PPP2R1B: variants seen among roughly 807,000 people sequenced by gnomAD.
PPP2R1B encodes the protein serine/threonine-protein phosphatase 2A 65 kDa regulatory subunit A beta isoform.
A neutral mutation model predicts 72.7 loss-of-function variants in PPP2R1B; 58 were observed. The ratio of observed to expected loss-of-function variants is 0.80; its 90% CI spans 0.65 to 0.99. The LOEUF (loss-of-function observed/expected upper bound fraction) is 0.99, where lower values mean the gene tolerates loss of function less well. Among genes scored for constraint, PPP2R1B ranks in the 50% least tolerant of loss-of-function variants. The pLI is 0.00. For synonymous variants in PPP2R1B, 256 were observed against 264.6 expected (o/e 0.97, Z 0.32); for missense variants, 695 against 733.6 (o/e 0.95, Z 0.61).
intron 11 of PPP2R1B, among the ~76,000 whole-genome samples, chr11:111,746,034 T>G (rs1472654701): frequency 6.6e-6 from 1 of 152,056 alleles, no homozygotes; most frequent in Non-Finnish European, 1.5e-5. Flanking sequence ...GCTCCCAAAC[T>G]GAAAGAGAAA....
In PPP2R1B at chr11:111,753,584, T is replaced by A. The variant is rs782398810; in HGVS notation, c.1030-7A>T. On this transcript the variant is annotated splice_polypyrimidine_tract_variant and splice_region_variant and intron_variant, in intron 8 of 14. Coordinates refer to ENST00000527614, the MANE Select transcript of PPP2R1B (RefSeq NM_002716.5). ...TGGTATCGGATACTAATTCCTAAAA[T>A]AAAATCGAAATTAAAAGCCTTTATT... The A allele has an allele frequency of 6.3e-7, 1 of 1,595,608 alleles. No homozygotes were observed. The highest frequency in any genetic ancestry group is 8.5e-7 in the Non-Finnish European group (1 of 1,173,700).
At chr11:111,758,526 G>T (rs1945208409) in intron 5 of PPP2R1B, among the ~76,000 whole-genome samples, 1 of 152,056 alleles carries the variant, frequency 6.6e-6, no homozygotes, top group African/African-American at 2.4e-5. Flanking sequence ...GGAGGCAGAG[G>T]TTGCAGAAAG....
the PPP2R1B span, chr11:111,701,429 C>T: frequency 1.9e-6 from 3 of 1,604,516 alleles, no homozygotes; most frequent in Admixed American, 3.4e-5. The surrounding 1 kb of genome is among the most constrained non-coding windows in gnomAD (Gnocchi z 4.2). Flanking sequence ...GTAGAAAAGT[C>T]TCTGCATTGT....
At chr11:111,704,696 A>G in the PPP2R1B span, among the ~76,000 whole-genome samples, 1 of 152,322 alleles carries the variant, frequency 6.6e-6, no homozygotes, top group South Asian at 2.1e-4. Context: ...GAATGTCTAC[A>G]TGAGACAATG....
At chr11:111,725,987 G>GTTGT (rs1359115767), downstream of PPP2R1B, 1 of 150,210 alleles carries the variant, frequency 6.7e-6, no homozygotes, top group African/African-American at 2.4e-5. Context: ...TCTTCTGGGA[G>GTTGT]TTGTTTATTC....
the PPP2R1B span, among the ~76,000 whole-genome samples, chr11:111,697,138 C>A: frequency 6.6e-6 from 1 of 152,232 alleles, no homozygotes; most frequent in Non-Finnish European, 1.5e-5. Flanking sequence ...TTCTATTCCA[C>A]TGCTGCAACT....
chr11:111,757,957 C>G (rs1284749156), intron 5 of PPP2R1B, among the ~76,000 whole-genome samples: 1 of 152,072 alleles, frequency 6.6e-6, no homozygotes, highest in Admixed American at 6.6e-5. Context: ...GTTGCTCAAG[C>G]AAAAAATCTA....
the PPP2R1B span, among the ~76,000 whole-genome samples, chr11:111,689,899 AT>A: frequency 0.011 from 1,663 of 148,350 alleles, 9 homozygotes; most frequent in African/African-American, 0.024. Flanking sequence ...ATAGTCTGTG[AT>A]TTTTTTTTTC....
At chr11:111,762,395 C>T (rs569109562) in intron 3 of PPP2R1B, among the ~76,000 whole-genome samples, 2 of 152,200 alleles carry the variant, frequency 1.3e-5, no homozygotes, top group South Asian at 4.1e-4. Flanking sequence ...CTACTGTAAC[C>T]CCCTCTCGTG....
Position 111,743,361 on chromosome 11 carries a change from TTA to T in PPP2R1B, c.1554+13_1554+14del, listed in dbSNP as rs1252035895. ...TAATGATTAAGCTTAGCAATAACAG[TTA>T]TGTTATACTTACATTAATGCAGAAT... On this transcript the variant is annotated intron_variant, in intron 12 of 14. Coordinates refer to ENST00000527614, the MANE Select transcript of PPP2R1B (RefSeq NM_002716.5). 1 of 1,589,262 alleles carries T rather than the reference TTA, an allele frequency of 6.3e-7. No homozygotes were observed. The highest frequency in any genetic ancestry group is 1.4e-5 in the African/African-American group (1 of 73,960).
intron 3 of PPP2R1B, chr11:111,761,307 T>TCAA (rs1945319178): frequency 1.7e-6 from 1 of 598,330 alleles, no homozygotes; most frequent in Non-Finnish European, 3.1e-6. Flanking sequence ...AATGACACAG[T>TCAA]GTAAAAGACT....
intron 15 of PPP2R1B, chr11:111,727,196 T>C: frequency 1.4e-6 from 1 of 710,774 alleles, no homozygotes; most frequent in South Asian, 1.7e-5. Flanking sequence ...AGGAGGCTGA[T>C]GGTTCTCTAC....
the PPP2R1B span, chr11:111,688,283 A>T: frequency 1.1e-6 from 1 of 944,418 alleles, no homozygotes; most frequent in South Asian, 1.6e-5. The surrounding 1 kb of genome is among the most constrained non-coding windows in gnomAD (Gnocchi z 4.2). Flanking sequence ...AGGCTATCTC[A>T]AAGTCCATTT....
At chr11:111,716,763 G>A in the PPP2R1B span, among the ~76,000 whole-genome samples, 4 of 152,072 alleles carry the variant, frequency 2.6e-5, no homozygotes, top group Non-Finnish European at 5.9e-5. Flanking sequence ...AAATTCAGGG[G>A]TACTGCCGGG....
the PPP2R1B span, among the ~76,000 whole-genome samples, chr11:111,720,174 G>A: frequency 6.6e-6 from 1 of 152,208 alleles, no homozygotes; most frequent in Admixed American, 6.5e-5. Flanking sequence ...AGCTATCAAA[G>A]GTGAATTGAA....
chr11:111,707,405 GAC>G, the PPP2R1B span, among the ~76,000 whole-genome samples: 1 of 152,140 alleles, frequency 6.6e-6, no homozygotes, highest in Non-Finnish European at 1.5e-5. Context: ...ACATAAACGT[GAC>G]TTCTTATGTT....
At chr11:111,752,018 T>A (rs1029754789) in intron 10 of PPP2R1B, 141 bp downstream of exon 10, 55 of 918,576 alleles carry the variant, frequency 6.0e-5, no homozygotes, top group Middle Eastern at 7.2e-4. Flanking sequence ...ATAAAAACCA[T>A]CCTATAGGTA....
the PPP2R1B span, chr11:111,705,171 T>C: frequency 6.6e-7 from 1 of 1,507,734 alleles, no homozygotes; most frequent in Non-Finnish European, 8.8e-7. This position sits in a 1 kb window ranked among gnomAD's most constrained non-coding sequence, Gnocchi z 4.3. Context: ...GTCTTATCTG[T>C]GCATGTGCCT....
chr11:111,724,170 T>C (rs765160763), downstream of PPP2R1B: 1 of 1,561,618 alleles, frequency 6.4e-7, no homozygotes, highest in African/African-American at 1.4e-5. Flanking sequence ...GAAGGAAGAG[T>C]GTATGTTCCT....
Sources: gnomAD v4.1 joint callset for allele counts (sites outside exome capture counted in the v4.1 genomes callset) on GRCh38, gnomAD v4.1.1 for gene constraint, Gnocchi (gnomAD v3.1) non-coding constraint, MANE v1.5 for transcripts, NCBI Gene and HGNC (gene_info 2026-07-23, HGNC 2026-07-21) for gene names.